The following FCHSD2 variants were observed in gnomAD, a reference collection of about 807,000 sequenced individuals.
FCHSD2 encodes FCH and double SH3 domains 2, also known as F-BAR and double SH3 domains protein 2.
FCHSD2 carries 38 observed loss-of-function variants against 108.1 expected under a neutral mutation model. The ratio of observed to expected loss-of-function variants is 0.35; its 90% CI spans 0.27 to 0.46. FCHSD2 has a LOEUF of 0.46. Among genes scored for constraint, FCHSD2 ranks in the 20% least tolerant of loss-of-function variants. The pLI is 1.00. For missense variants in FCHSD2, 751 were observed against 897.8 expected (o/e 0.84, Z 2.09); for synonymous variants, 279 against 314.7 (o/e 0.89, Z 1.20).
At chr11:72,873,516 C>G (rs952835608) in intron 12 of FCHSD2, among the ~76,000 whole-genome samples, 1 of 151,876 alleles carries the variant, frequency 6.6e-6, no homozygotes, top group Admixed American at 6.6e-5. Context: ...AAATATTTTC[C>G]CCCATTCTGT....
chr11:72,982,497 A>G lies in FCHSD2; in HGVS notation c.705+1591T>C, dbSNP rs568939818. 2.6e-5 allele frequency among the ~76,000 whole-genome samples: 4 copies of G among 152,362 alleles called. No individual in the cohort carries two copies. In the East Asian group the frequency reaches 7.7e-4, roughly 29 times the overall value. On this transcript the variant is annotated intron_variant, in intron 8 of 19. Coordinates refer to ENST00000409418, the MANE Select transcript of FCHSD2 (RefSeq NM_014824.3). ...AATGATAAAATGTTTGGGTTTTGGG[A>G]AAACAGGAAAGAATGACAGATACAA...
intron 9 of FCHSD2, among the ~76,000 whole-genome samples, chr11:72,913,834 AC>A (rs1268214577): frequency 4.0e-4 from 55 of 137,264 alleles, no homozygotes; most frequent in Middle Eastern, 3.5e-3. Flanking sequence ...CAAAAAAAAA[AC>A]AAAAAAAAAA....
chr11:73,108,129 T>C (rs543980503), intron 2 of FCHSD2, among the ~76,000 whole-genome samples: 3 of 152,306 alleles, frequency 2.0e-5, no homozygotes, highest in South Asian at 2.1e-4. Context: ...TAATATCTCA[T>C]TGTAGTTTTG....
At chr11:72,987,948 TA>T (rs1245073369) in intron 6 of FCHSD2, among the ~76,000 whole-genome samples, 1 of 152,170 alleles carries the variant, frequency 6.6e-6, no homozygotes, top group Non-Finnish European at 1.5e-5. Context: ...ATAAATACAA[TA>T]AAACAAATTA....
chr11:73,002,103 C>T (rs1857637100), intron 4 of FCHSD2, among the ~76,000 whole-genome samples: 1 of 152,134 alleles, frequency 6.6e-6, no homozygotes, highest in African/African-American at 2.4e-5. Context: ...CGATTTTCAA[C>T]CACAGCAACA....
chr11:72,849,233 T>C (rs1302084367), intron 14 of FCHSD2, among the ~76,000 whole-genome samples: 2 of 152,192 alleles, frequency 1.3e-5, no homozygotes, highest in Non-Finnish European at 1.5e-5. Flanking sequence ...AACATTCATG[T>C]AGTCATCCCA....
intron 10 of FCHSD2, chr11:72,900,361 CAT>C (rs1409906497): frequency 1.4e-6 from 2 of 1,455,230 alleles, no homozygotes; most frequent in South Asian, 2.4e-5. Context: ...GGACAAAAAA[CAT>C]AGCATAGAGT....
chr11:73,035,292 C>T (rs902581081), intron 3 of FCHSD2, among the ~76,000 whole-genome samples: 1 of 152,016 alleles, frequency 6.6e-6, no homozygotes, highest in Admixed American at 6.6e-5. Flanking sequence ...ACCCACCAGG[C>T]TCAAGAGAGT....
intron 13 of FCHSD2, among the ~76,000 whole-genome samples, chr11:72,859,277 G>GTCTCCCCAGATGTGAA (rs1861509853): frequency 6.6e-6 from 1 of 152,298 alleles, no homozygotes; most frequent in South Asian, 2.1e-4. Context: ...GTTTCAGTCT[G>GTCTCCCCAGATGTGAA]TCTCCCCAGA....
At chr11:72,859,630 T>C (rs1473872592) in intron 13 of FCHSD2, among the ~76,000 whole-genome samples, 1 of 152,184 alleles carries the variant, frequency 6.6e-6, no homozygotes, top group Admixed American at 6.5e-5. Context: ...TCTTGAAATA[T>C]ATCCCCCACA....
chr11:72,919,103 C>T (rs976688836), intron 9 of FCHSD2, among the ~76,000 whole-genome samples: 8 of 152,016 alleles, frequency 5.3e-5, no homozygotes, highest in African/African-American at 1.9e-4. Context: ...ACATTTTGAA[C>T]ATGGTAATAA....
At chr11:73,083,767 C>A in intron 2 of FCHSD2, 27 bp from the exon 3 acceptor site, 1 of 1,392,640 alleles carries the variant, frequency 7.2e-7, no homozygotes, top group Non-Finnish European at 1.0e-6. Flanking sequence ...AAATTAATTA[C>A]CAGAAGGATA....
intron 8 of FCHSD2, among the ~76,000 whole-genome samples, chr11:72,948,822 C>A (rs972954406): frequency 2.6e-5 from 4 of 152,030 alleles, no homozygotes; most frequent in South Asian, 4.2e-4. Context: ...CCCGCCACTA[C>A]GCCTGGCTAA....
intron 8 of FCHSD2, among the ~76,000 whole-genome samples, chr11:72,929,810 C>T (rs1308812233): frequency 6.6e-6 from 1 of 152,160 alleles, no homozygotes; most frequent in Non-Finnish European, 1.5e-5. Flanking sequence ...TATATTGAAA[C>T]CATTTATATA....
At chr11:72,910,464 T>C (rs1271606134) in intron 9 of FCHSD2, among the ~76,000 whole-genome samples, 7 of 152,156 alleles carry the variant, frequency 4.6e-5, no homozygotes, top group Non-Finnish European at 8.8e-5. Flanking sequence ...GGAGACTCCA[T>C]TTTGTTCTGT....
At chr11:73,045,756 T>C (rs1325174890) in intron 3 of FCHSD2, among the ~76,000 whole-genome samples, 1 of 144,032 alleles carries the variant, frequency 6.9e-6, no homozygotes. Flanking sequence ...CATCACACTC[T>C]GGGGACTGTT....
chr11:72,924,327 G>C (rs1318666166), intron 8 of FCHSD2, among the ~76,000 whole-genome samples: 1 of 152,016 alleles, frequency 6.6e-6, no homozygotes, highest in African/African-American at 2.4e-5. Flanking sequence ...GCCCAGGCTG[G>C]AGTGCAGTGG....
At chr11:73,061,520 G>C (rs1231157751) in intron 3 of FCHSD2, among the ~76,000 whole-genome samples, 1 of 152,160 alleles carries the variant, frequency 6.6e-6, no homozygotes, top group African/African-American at 2.4e-5. Flanking sequence ...GGGTCTGCGG[G>C]TCCCACCCCC....
At chr11:72,992,707 G>A (rs897365447) in intron 5 of FCHSD2, among the ~76,000 whole-genome samples, 3 of 152,232 alleles carry the variant, frequency 2.0e-5, no homozygotes, top group Admixed American at 6.5e-5. Context: ...CTAGCCATAT[G>A]TAGAAAGCTG....
Sources: gnomAD v4.1 joint callset for allele counts (sites outside exome capture counted in the v4.1 genomes callset) on GRCh38, gnomAD v4.1.1 for gene constraint, MANE v1.5 for transcripts, NCBI Gene and HGNC (gene_info 2026-07-23, HGNC 2026-07-21) for gene names.